MTMR12: variants seen among roughly 807,000 people sequenced by gnomAD.
MTMR12 encodes the protein myotubularin-related protein 12.
Under a neutral mutation model 96.7 loss-of-function variants are expected in MTMR12, and 33 were observed. The observed-to-expected ratio is 0.34, with a 90% CI of 0.26 to 0.46. The LOEUF (loss-of-function observed/expected upper bound fraction) is 0.46. Ranked by LOEUF, MTMR12 falls within the 20% of genes least tolerant of loss-of-function variation. The probability of loss-of-function intolerance (pLI) is 1.00; values close to 1 mark genes in which losing one functional copy is unlikely to be tolerated. For missense variants in MTMR12, 721 were observed against 896.1 expected (o/e 0.80, Z 2.49); for synonymous variants, 298 against 327.2 (o/e 0.91, Z 0.96).
chr5:32,267,487 T>C (rs1358133678), intron 6 of MTMR12, among the ~76,000 whole-genome samples: 1 of 152,012 alleles, frequency 6.6e-6, no homozygotes, highest in Admixed American at 6.6e-5. Context: ...ATGCTAGGCA[T>C]TGTTAATGGC....
intron 1 of MTMR12, among the ~76,000 whole-genome samples, chr5:32,306,908 AT>A (rs1467766795): frequency 6.6e-6 from 1 of 152,200 alleles, no homozygotes; most frequent in Non-Finnish European, 1.5e-5. Context: ...TAGAAAGTAT[AT>A]TTTAGCCCTT....
chr5:32,264,544 T>G (rs1749519738), intron 6 of MTMR12, among the ~76,000 whole-genome samples: 1 of 151,780 alleles, frequency 6.6e-6, no homozygotes, highest in Non-Finnish European at 1.5e-5. Context: ...CACTGCAACC[T>G]CTGCCTCCCA....
At chr5:32,284,385 C>T (rs981061483) in intron 1 of MTMR12, among the ~76,000 whole-genome samples, 1 of 151,118 alleles carries the variant, frequency 6.6e-6, no homozygotes, top group Non-Finnish European at 1.5e-5. Flanking sequence ...ATATGGATGG[C>T]ATCACCAAAT....
At chr5:32,309,265 GA>G (rs1336606173) in intron 1 of MTMR12, among the ~76,000 whole-genome samples, 1 of 152,176 alleles carries the variant, frequency 6.6e-6, no homozygotes, top group Non-Finnish European at 1.5e-5. Context: ...TCCCTGAAGA[GA>G]AAAGTTTAAA....
chr5:32,312,745 G>C lies in MTMR12; in HGVS notation c.81+13C>G, dbSNP rs866741800. The C allele has an allele frequency of 1.3e-6, 2 of 1,500,850 alleles. No homozygotes were observed. The highest frequency in any genetic ancestry group is 8.9e-7 in the Non-Finnish European group (1 of 1,126,512). 93.0% of individuals were successfully genotyped at this position (1,500,850 alleles called of 1,614,324 possible). The stretch of plus-strand genomic sequence containing the variant: ...CCCCTGCCCGACGCCCCGCCTGCGC[G>C]GCGCCCCCTCACCTCAGGGCGTACG... On this transcript the variant is annotated intron_variant, in intron 1 of 15. Coordinates refer to ENST00000382142, the MANE Select transcript of MTMR12 (RefSeq NM_001040446.3). This position sits in a 1 kb window ranked among gnomAD's most constrained non-coding sequence, Gnocchi z 5.0.
chr5:32,312,320 G>A lies in MTMR12; in HGVS notation c.81+438C>T, dbSNP rs892612608. Among the ~76,000 whole-genome samples, 1 of 152,222 alleles carries A rather than the reference G, an allele frequency of 6.6e-6. No homozygotes were observed. Among genetic ancestry groups the A allele is most frequent in the African/African-American group, 2.4e-5 (1 of 41,468 alleles). On this transcript the variant is annotated intron_variant, in intron 1 of 15. Coordinates refer to ENST00000382142, the MANE Select transcript of MTMR12 (RefSeq NM_001040446.3). This position sits in a 1 kb window ranked among gnomAD's most constrained non-coding sequence, Gnocchi z 5.0. ...GCCGCACCCGAGGCACTCAGACGCAGGCAGCGGAGGCCGGCGGGCTTCTGG... is the reference window on the plus strand; with the variant it reads ...GCCGCACCCGAGGCACTCAGACGCAAGCAGCGGAGGCCGGCGGGCTTCTGG...
intron 1 of MTMR12, among the ~76,000 whole-genome samples, chr5:32,307,631 T>C (rs1057441345): frequency 3.3e-5 from 5 of 152,190 alleles, no homozygotes; most frequent in Non-Finnish European, 4.4e-5. Flanking sequence ...TGATTTAGAA[T>C]AATCAAGGAT....
At position 32,230,023 on chromosome 5, in the gene MTMR12, T is replaced by C; in HGVS notation, c.1999A>G (p.Met667Val). The C allele has an allele frequency of 1.2e-6, 2 of 1,613,682 alleles. No individual in the cohort carries two copies. The highest frequency in any genetic ancestry group is 1.7e-6 in the Non-Finnish European group (2 of 1,179,588). The change falls in exon 16 of 16, where the codon ATG becomes GTG. Residue 667 changes from methionine (M) to valine (V), a missense_variant. Transcript: ENST00000382142. Reference sequence around the variant, plus strand: ...TGTAAACTCTGGACTTCCTCCATCATTTCCAAGAGTTTGCTCAGAGTGGCC... The same window carrying C: ...TGTAAACTCTGGACTTCCTCCATCACTTCCAAGAGTTTGCTCAGAGTGGCC... Reference protein sequence around the residue: ...QVATLSKLLEMMEEVQSLQEK... With the variant: ...QVATLSKLLEVMEEVQSLQEK...
At chr5:32,281,627 C>A (rs991667375) in intron 1 of MTMR12, among the ~76,000 whole-genome samples, 2 of 151,998 alleles carry the variant, frequency 1.3e-5, no homozygotes, top group African/African-American at 4.8e-5. Flanking sequence ...CTGGGCCGGG[C>A]GTGGTGGCTC....
intron 6 of MTMR12, among the ~76,000 whole-genome samples, chr5:32,267,589 T>A (rs1190358604): frequency 6.6e-6 from 1 of 152,220 alleles, no homozygotes; most frequent in African/African-American, 2.4e-5. Flanking sequence ...TTTGTCTTAC[T>A]AAATTAGTTG....
chr5:32,298,959 A>AAG (rs1751027890), intron 1 of MTMR12, among the ~76,000 whole-genome samples: 1 of 151,336 alleles, frequency 6.6e-6, no homozygotes, highest in African/African-American at 2.4e-5. Flanking sequence ...TCTCAAAAAA[A>AAG]AAAAAAAAAA....
chr5:32,276,617 G>C (rs1750060189), intron 2 of MTMR12, 65 bp downstream of exon 2: 2 of 1,349,570 alleles, frequency 1.5e-6, no homozygotes, highest in African/African-American at 2.9e-5. Flanking sequence ...AGCAAGGCTA[G>C]GGATGATGTA....
intron 6 of MTMR12, among the ~76,000 whole-genome samples, chr5:32,268,432 C>T (rs929184544): frequency 6.6e-6 from 1 of 151,354 alleles, no homozygotes; most frequent in East Asian, 2.0e-4. Context: ...TGCTTGAACC[C>T]GGGAGGCGGA....
intron 1 of MTMR12, among the ~76,000 whole-genome samples, chr5:32,295,910 T>C (rs1750902461): frequency 6.6e-6 from 1 of 152,090 alleles, no homozygotes; most frequent in Non-Finnish European, 1.5e-5. Flanking sequence ...TCCCAGCATT[T>C]TGGGAGGCCA....
At chr5:32,292,060 G>C (rs181717302) in intron 1 of MTMR12, among the ~76,000 whole-genome samples, 1 of 152,162 alleles carries the variant, frequency 6.6e-6, no homozygotes, top group East Asian at 1.9e-4. Flanking sequence ...AAAGAAGTGC[G>C]GCAGTGGGTT....
intron 1 of MTMR12, among the ~76,000 whole-genome samples, chr5:32,297,798 C>T (rs992184138): frequency 6.6e-6 from 1 of 152,122 alleles, no homozygotes; most frequent in African/African-American, 2.4e-5. Flanking sequence ...TGTTAGGACC[C>T]AAATACCAGT....
chr5:32,298,680 G>T (rs1399710438), intron 1 of MTMR12, among the ~76,000 whole-genome samples: 1 of 152,068 alleles, frequency 6.6e-6, no homozygotes, highest in Non-Finnish European at 1.5e-5. Flanking sequence ...CAGGCGCAGT[G>T]GCTCACGCCT....
intron 10 of MTMR12, chr5:32,247,749 G>A (rs754695807): frequency 1.0e-6 from 1 of 985,392 alleles, no homozygotes; most frequent in Non-Finnish European, 1.2e-6. Context: ...CAAATGGTAT[G>A]CTGAGGAAGG....
At chr5:32,311,873 C>A (rs867554029) in intron 1 of MTMR12, among the ~76,000 whole-genome samples, 1 of 152,208 alleles carries the variant, frequency 6.6e-6, no homozygotes, top group Non-Finnish European at 1.5e-5. Context: ...GGCTCAAATG[C>A]CACCTTTGCG....
Sources: allele counts gnomAD v4.1 joint callset (sites outside exome capture counted in the v4.1 genomes callset), GRCh38; gene constraint gnomAD v4.1.1; non-coding constraint Gnocchi (gnomAD v3.1); transcripts MANE v1.5; gene names NCBI Gene and HGNC (gene_info 2026-07-23, HGNC 2026-07-21).